CYYR1: variants seen among roughly 807,000 people sequenced by gnomAD.
The protein encoded by CYYR1 is cysteine and tyrosine-rich protein 1.
CYYR1 carries 14 observed loss-of-function variants against 15.2 expected under a neutral mutation model. The ratio of observed to expected loss-of-function variants is 0.92; its 90% CI spans 0.61 to 1.44. CYYR1 has a LOEUF of 1.44. CYYR1 is among the 40% of genes most tolerant of loss of function. CYYR1 has a pLI of 0.00. For missense variants in CYYR1, 228 were observed against 209.5 expected (o/e 1.09, Z -0.54); for synonymous variants, 80 against 77.4 (o/e 1.03, Z -0.18).
intron 2 of CYYR1, among the ~76,000 whole-genome samples, chr21:26,480,821 G>GTTTAA (rs1008920442): frequency 4.6e-5 from 7 of 151,996 alleles, no homozygotes; most frequent in Non-Finnish European, 8.8e-5. Context: ...GCATGTATGT[G>GTTTAA]TTTAATGAAA....
intron 2 of CYYR1, among the ~76,000 whole-genome samples, chr21:26,553,232 GGTAAT>G (rs1488171270): frequency 6.6e-6 from 1 of 151,942 alleles, no homozygotes; most frequent in African/African-American, 2.4e-5. Flanking sequence ...CTCCCCTATA[GGTAAT>G]GTTTTGTTTT....
intron 2 of CYYR1, among the ~76,000 whole-genome samples, chr21:26,485,534 G>A (rs1191791860): frequency 6.6e-6 from 1 of 152,016 alleles, no homozygotes; most frequent in African/African-American, 2.4e-5. Context: ...CTCCGTTTCT[G>A]TAATTTAGTC....
intron 2 of CYYR1, among the ~76,000 whole-genome samples, chr21:26,560,717 T>A (rs1980136982): frequency 6.6e-6 from 1 of 152,154 alleles, no homozygotes; most frequent in Admixed American, 6.6e-5. Context: ...TCCAGCAATC[T>A]AAAGTTGGAA....
intron 2 of CYYR1, among the ~76,000 whole-genome samples, chr21:26,486,937 G>A (rs938282402): frequency 2.6e-5 from 4 of 151,918 alleles, no homozygotes; most frequent in Non-Finnish European, 5.9e-5. Flanking sequence ...TCTCGGATAC[G>A]ACCCAATTTA....
intron 2 of CYYR1, among the ~76,000 whole-genome samples, chr21:26,549,179 C>T (rs761346732): frequency 3.3e-5 from 5 of 152,142 alleles, no homozygotes; most frequent in Non-Finnish European, 5.9e-5. Flanking sequence ...TAGGATACAT[C>T]GTTCCAGGAT....
intron 2 of CYYR1, among the ~76,000 whole-genome samples, chr21:26,537,810 T>G (rs546644915): frequency 6.6e-6 from 1 of 152,238 alleles, no homozygotes; most frequent in South Asian, 2.1e-4. Context: ...GTGGGGTCTG[T>G]TGGGAGATGA....
chr21:26,531,478 TATC>T (rs1234350113), intron 2 of CYYR1, among the ~76,000 whole-genome samples: 4 of 152,152 alleles, frequency 2.6e-5, no homozygotes, highest in African/African-American at 9.7e-5. Context: ...TCCTTGCTGT[TATC>T]ATGATAGAGT....
chr21:26,565,641 T>G (rs904660591), intron 2 of CYYR1, among the ~76,000 whole-genome samples: 1 of 152,228 alleles, frequency 6.6e-6, no homozygotes, highest in South Asian at 2.1e-4. Flanking sequence ...AAATTTCTAA[T>G]TTGTTACAAG....
At chr21:26,509,456 A>G (rs1182305916) in intron 2 of CYYR1, among the ~76,000 whole-genome samples, 1 of 152,140 alleles carries the variant, frequency 6.6e-6, no homozygotes, top group African/African-American at 2.4e-5. Context: ...TTCCTTTAAC[A>G]TCTTAACTGG....
chr21:26,525,205 T>C (rs1338431644), intron 2 of CYYR1, among the ~76,000 whole-genome samples: 3 of 152,236 alleles, frequency 2.0e-5, no homozygotes, highest in African/African-American at 7.2e-5. Context: ...CTACACTTTT[T>C]TTCATTTCTG....
At chr21:26,517,117 A>G in intron 2 of CYYR1, among the ~76,000 whole-genome samples, 1 of 62,366 alleles carries the variant, frequency 1.6e-5, no homozygotes, top group South Asian at 4.9e-4. Context: ...TCCGTCTCAA[A>G]AAAAAAAAAA....
At chr21:26,482,276 T>C (rs2065191666) in intron 2 of CYYR1, 5 of 968,494 alleles carry the variant, frequency 5.2e-6, no homozygotes, top group Admixed American at 6.2e-5. Flanking sequence ...TTACTATTTT[T>C]AAACAATTTC....
intron 2 of CYYR1, among the ~76,000 whole-genome samples, chr21:26,518,962 TC>T (rs1435869543): frequency 6.6e-6 from 1 of 152,210 alleles, no homozygotes; most frequent in Non-Finnish European, 1.5e-5. Flanking sequence ...GCTCCTTCAC[TC>T]AGGCCTGTTT....
chr21:26,527,002 G>A (rs2065875380), intron 2 of CYYR1, among the ~76,000 whole-genome samples: 1 of 152,160 alleles, frequency 6.6e-6, no homozygotes. Flanking sequence ...CACTTATAAT[G>A]AATTAGAAAA....
chr21:26,563,276 T>TAA (rs113006722), intron 2 of CYYR1, among the ~76,000 whole-genome samples: 1 of 144,674 alleles, frequency 6.9e-6, no homozygotes, highest in East Asian at 2.0e-4. Context: ...AGAAAGAATC[T>TAA]AAAAAAAAAA....
chr21:26,525,783 T>C (rs933247733), intron 2 of CYYR1, among the ~76,000 whole-genome samples: 10 of 152,220 alleles, frequency 6.6e-5, no homozygotes, highest in African/African-American at 2.4e-4. Context: ...GTTAACATTA[T>C]GGATGGTTCC....
At chr21:26,512,004 A>ACACACACG (rs1160514107) in intron 2 of CYYR1, among the ~76,000 whole-genome samples, 1 of 151,846 alleles carries the variant, frequency 6.6e-6, no homozygotes, top group Non-Finnish European at 1.5e-5. Context: ...ACACACACAC[A>ACACACACG]CACACACACT....
intron 1 of CYYR1, chr21:26,569,161 T>C (rs1321553016): frequency 6.6e-5 from 10 of 151,770 alleles, no homozygotes; most frequent in Admixed American, 6.6e-4. Context: ...CTATTCAAAA[T>C]AGTAAAGAGA....
At chr21:26,572,038 G>A (rs1981038924) in intron 1 of CYYR1, among the ~76,000 whole-genome samples, 1 of 152,208 alleles carries the variant, frequency 6.6e-6, no homozygotes. Flanking sequence ...AAATTTCAGT[G>A]CTATATATAC....
Sources: gnomAD v4.1 joint callset for allele counts (sites outside exome capture counted in the v4.1 genomes callset) on GRCh38, gnomAD v4.1.1 for gene constraint, MANE v1.5 for transcripts, NCBI Gene and HGNC (gene_info 2026-07-23, HGNC 2026-07-21) for gene names.